Variants in ADAMTS3 observed in about 807,000 individuals in gnomAD.
ADAMTS3 encodes the protein ADAM metallopeptidase with thrombospondin type 1 motif 3.
A neutral mutation model predicts 129.0 loss-of-function variants in ADAMTS3; 73 were observed. The observed-to-expected ratio is 0.57, with a 90% CI of 0.47 to 0.69. The LOEUF (loss-of-function observed/expected upper bound fraction) is 0.69. ADAMTS3 is among the 30% of genes least tolerant of loss of function. The pLI, the probability that ADAMTS3 is intolerant of heterozygous loss-of-function variation, is 0.00. For synonymous variants in ADAMTS3, 477 were observed against 510.8 expected, an observed-to-expected ratio of 0.93 and a Z score of 0.89; for missense variants, 1,457 against 1,514.5, an observed-to-expected ratio of 0.96 and a Z score of 0.63.
intron 5 of ADAMTS3, among the ~76,000 whole-genome samples, chr4:72,334,424 T>C (rs1719935098): frequency 6.6e-6 from 1 of 152,184 alleles, no homozygotes; most frequent in South Asian, 2.1e-4. Context: ...GATATAATTA[T>C]GAGGCTTAAT....
At chr4:72,399,822 T>TGC (rs1224048330) in intron 4 of ADAMTS3, among the ~76,000 whole-genome samples, 4 of 3,678 alleles carry the variant, frequency 1.1e-3, no homozygotes, top group Admixed American at 4.6e-3. Flanking sequence ...ACGGTGTGTA[T>TGC]ATACGTGTGT....
chr4:72,567,667 T>G (rs1447339325), intron 1 of ADAMTS3, among the ~76,000 whole-genome samples: 1 of 152,200 alleles, frequency 6.6e-6, no homozygotes, highest in African/African-American at 2.4e-5. Flanking sequence ...AGACTCTCAA[T>G]GCTCTCTTCT....
At chr4:72,550,390 G>T (rs907657287) in intron 2 of ADAMTS3, among the ~76,000 whole-genome samples, 3 of 152,068 alleles carry the variant, frequency 2.0e-5, no homozygotes, top group African/African-American at 7.2e-5. Flanking sequence ...GGCAATAAGT[G>T]AAATGCCAGA....
At chr4:72,322,043 A>G (rs1041337658) in intron 6 of ADAMTS3, among the ~76,000 whole-genome samples, 3 of 152,178 alleles carry the variant, frequency 2.0e-5, no homozygotes, top group African/African-American at 7.2e-5. Flanking sequence ...AGTTCAGCAA[A>G]TGTTATTACC....
At chr4:72,395,985 A>G (rs75257143) in intron 4 of ADAMTS3, among the ~76,000 whole-genome samples, 1 of 152,234 alleles carries the variant, frequency 6.6e-6, no homozygotes, top group Non-Finnish European at 1.5e-5. Context: ...GCTCTGAACG[A>G]AAGTGGAAAC....
At chr4:72,379,162 C>G (rs755117076) in intron 4 of ADAMTS3, among the ~76,000 whole-genome samples, 1 of 152,246 alleles carries the variant, frequency 6.6e-6, no homozygotes, top group East Asian at 1.9e-4. Context: ...AGCATATTCA[C>G]AGGCTCTGCC....
At chr4:72,557,415 C>A (rs866788211) in intron 2 of ADAMTS3, among the ~76,000 whole-genome samples, 5 of 151,860 alleles carry the variant, frequency 3.3e-5, no homozygotes, top group Admixed American at 3.3e-4. Context: ...TGCTGAAATT[C>A]TGAACACAGT....
chr4:72,419,409 G>A (rs1218056442), intron 3 of ADAMTS3, among the ~76,000 whole-genome samples: 2 of 152,152 alleles, frequency 1.3e-5, no homozygotes, highest in Admixed American at 1.3e-4. Flanking sequence ...AGAGCTTTTA[G>A]ACTTTTGGTG....
At chr4:72,436,705 A>T (rs905962500) in intron 3 of ADAMTS3, among the ~76,000 whole-genome samples, 1 of 152,088 alleles carries the variant, frequency 6.6e-6, no homozygotes, top group Non-Finnish European at 1.5e-5. Flanking sequence ...TGTCCTTTAT[A>T]GGGACATGGA....
chr4:72,329,155 C>G (rs1173323272), intron 5 of ADAMTS3, among the ~76,000 whole-genome samples: 1 of 151,926 alleles, frequency 6.6e-6, no homozygotes, highest in Non-Finnish European at 1.5e-5. Context: ...AGCATAGACT[C>G]TATTGGGCAA....
chr4:72,464,606 G>T (rs1241163447), intron 3 of ADAMTS3, among the ~76,000 whole-genome samples: 2 of 151,884 alleles, frequency 1.3e-5, no homozygotes, highest in Non-Finnish European at 2.9e-5. Context: ...GAAAAGTGTG[G>T]GGCTATGAAA....
At chr4:72,368,045 G>A (rs756207101) in intron 4 of ADAMTS3, among the ~76,000 whole-genome samples, 2 of 152,012 alleles carry the variant, frequency 1.3e-5, no homozygotes, top group African/African-American at 2.4e-5. Flanking sequence ...ATAGATACTC[G>A]TAAATGTTTA....
chr4:72,412,908 G>A (rs1272087656), intron 4 of ADAMTS3, among the ~76,000 whole-genome samples: 1 of 151,978 alleles, frequency 6.6e-6, no homozygotes, highest in Admixed American at 6.6e-5. Flanking sequence ...AGTAAACTGA[G>A]TATGTTGATG....
At chr4:72,304,841 T>C (rs1719043290) in intron 16 of ADAMTS3, among the ~76,000 whole-genome samples, 1 of 152,070 alleles carries the variant, frequency 6.6e-6, no homozygotes, top group Admixed American at 6.6e-5. Context: ...TTTAATTAAA[T>C]GTATTTATTC....
In ADAMTS3 at chr4:72,307,558, T is replaced by C. The variant is rs1387612708; in HGVS notation, c.2180-1491A>G. ...TGTTTATCAAAGTCTTGTTGTTTCA[T>C]TGACTATCCCATAAGTCACATATTT... is the stretch of plus-strand genomic sequence containing the variant. On this transcript the variant is annotated intron_variant, in intron 15 of 21. Transcript: ENST00000286657. 4.6e-5 allele frequency among the ~76,000 whole-genome samples: 7 copies of C among 152,182 alleles called. 1 individual carries two copies. The highest frequency in any genetic ancestry group is 1.4e-4 in the African/African-American group (6 of 41,550).
At chr4:72,349,830 C>T (rs1470785544) in intron 4 of ADAMTS3, among the ~76,000 whole-genome samples, 5 of 151,868 alleles carry the variant, frequency 3.3e-5, no homozygotes, top group East Asian at 1.9e-4. Flanking sequence ...ATGTTATTAT[C>T]GCATCAAATT....
At chr4:72,558,082 T>C (rs557842870) in intron 2 of ADAMTS3, among the ~76,000 whole-genome samples, 1 of 151,952 alleles carries the variant, frequency 6.6e-6, no homozygotes, top group Non-Finnish European at 1.5e-5. Flanking sequence ...AAATTAACAT[T>C]TGTCTCCAAG....
chr4:72,326,972 T>C (rs1267218199), intron 5 of ADAMTS3, among the ~76,000 whole-genome samples: 3 of 152,128 alleles, frequency 2.0e-5, no homozygotes, highest in African/African-American at 7.2e-5. Flanking sequence ...TACCAGTCAG[T>C]ATGTCAATGT....
At position 72,547,532 on chromosome 4, in the gene ADAMTS3, G is replaced by A. The variant is rs138080136; in HGVS notation, c.504+946C>T. On this transcript the variant is annotated intron_variant, in intron 3 of 21. Transcript: ENST00000286657. ...ATCATCTCATACAGTTACCTGGATA[G>A]GTAATATGATGATTTCAGTCACATT... Among the ~76,000 whole-genome samples the A allele has an allele frequency of 6.6e-5, 10 of 152,236 alleles. No homozygotes were observed. The East Asian group carries it at 1.9e-3, about 29-fold the overall frequency.
Sources: allele counts gnomAD v4.1 joint callset (sites outside exome capture counted in the v4.1 genomes callset), GRCh38; gene constraint gnomAD v4.1.1; transcripts MANE v1.5; gene names NCBI Gene and HGNC (gene_info 2026-07-23, HGNC 2026-07-21).